DHX32: variants seen among roughly 807,000 people sequenced by gnomAD.
The protein encoded by DHX32 is DEAH-box helicase 32 (putative).
DHX32 carries 51 observed loss-of-function variants against 70.0 expected under a neutral mutation model. The observed-to-expected ratio is 0.73, with a 90% confidence interval of 0.58 to 0.92. The LOEUF is 0.92. Among genes scored for constraint, DHX32 ranks in the 40% least tolerant of loss-of-function variants. The pLI is 0.00. For missense variants in DHX32, 762 were observed against 891.8 expected (o/e 0.85, Z 1.85); for synonymous variants, 310 against 315.3 (o/e 0.98, Z 0.18).
At chr10:125,839,256 G>A in intron 8 of DHX32, 68 bp from the exon 9 acceptor site, 4 of 1,517,282 alleles carry the variant, frequency 2.6e-6, no homozygotes, top group Non-Finnish European at 3.6e-6. Flanking sequence ...CCCAGGCCAG[G>A]CAGTTGCCAT....
chr10:125,847,925 C>T (rs1944043456), intron 6 of DHX32, among the ~76,000 whole-genome samples: 1 of 152,174 alleles, frequency 6.6e-6, no homozygotes. Context: ...GGCAGTAATG[C>T]TCGCTTGCCC....
chr10:125,871,529 G>A (rs1944255718), intron 1 of DHX32, among the ~76,000 whole-genome samples: 1 of 152,180 alleles, frequency 6.6e-6, no homozygotes, highest in Admixed American at 6.5e-5. Flanking sequence ...TTAACAGTAA[G>A]CAATGCAAAC....
chr10:125,885,673 G>A (rs536271895), upstream of DHX32, among the ~76,000 whole-genome samples: 12 of 152,250 alleles, frequency 7.9e-5, no homozygotes, highest in East Asian at 3.9e-4. Flanking sequence ...TCTGATCTAC[G>A]AAGCTGTTAA....
chr10:125,887,459 A>G (rs1372081448), intron 1 of DHX32, among the ~76,000 whole-genome samples: 1 of 152,210 alleles, frequency 6.6e-6, no homozygotes, highest in Non-Finnish European at 1.5e-5. Flanking sequence ...TAGGGGCCAG[A>G]TCGCAAAATA....
intron 6 of DHX32, among the ~76,000 whole-genome samples, chr10:125,842,990 A>G (rs1854923355): frequency 6.6e-6 from 1 of 152,066 alleles, no homozygotes; most frequent in African/African-American, 2.4e-5. Context: ...CATTACTTTC[A>G]ATGGCAAAAA....
intron 1 of DHX32, among the ~76,000 whole-genome samples, chr10:125,878,416 T>A (rs1295635036): frequency 6.6e-6 from 1 of 152,208 alleles, no homozygotes; most frequent in Non-Finnish European, 1.5e-5. Context: ...GGCCATCTCA[T>A]CTTAACAGGG....
intron 6 of DHX32, among the ~76,000 whole-genome samples, chr10:125,846,532 C>G (rs1012310137): frequency 6.6e-6 from 1 of 152,140 alleles, no homozygotes; most frequent in Non-Finnish European, 1.5e-5. Context: ...CTGGGGCAGG[C>G]ACACATCTGG....
At position 125,881,003 on chromosome 10, in the gene DHX32, C is replaced by T; in HGVS notation, c.-179G>A. 2.9e-6 allele frequency: 2 copies of T among 687,910 alleles called. No individual in the cohort carries two copies. The highest frequency in any genetic ancestry group is 2.4e-6 in the Non-Finnish European group (1 of 423,220). 42.6% of individuals were successfully genotyped at this position (687,910 alleles called of 1,614,324 possible). On this transcript the variant is annotated 5_prime_UTR_variant, in exon 1 of 11. Transcript: ENST00000284690. ...TCAAACCTGCATCTGTTCTCCGTTGCTGTGTTACCCACTGTGCTGGCTCAC... is the reference window on the plus strand; with the variant it reads ...TCAAACCTGCATCTGTTCTCCGTTGTTGTGTTACCCACTGTGCTGGCTCAC...
intron 1 of DHX32, among the ~76,000 whole-genome samples, chr10:125,890,983 C>A (rs3926258): frequency 6.6e-6 from 1 of 151,842 alleles, no homozygotes; most frequent in African/African-American, 2.4e-5. Flanking sequence ...TACAGAAAGT[C>A]CCCCCCGAGC....
At chr10:125,852,003 G>T (rs572509920) in intron 6 of DHX32, among the ~76,000 whole-genome samples, 1 of 150,914 alleles carries the variant, frequency 6.6e-6, no homozygotes, top group Admixed American at 6.6e-5. Context: ...TCACCCTTAC[G>T]CTTCCATACT....
rs1381948902 is a variant in DHX32, at chr10:125,874,137, C to T, written c.282+6406G>A. ...GGGAAATTGTCCTCTGTTTCTGCAC[C>T]AAAGACAGGTGAAATCTTTAGGACC... On this transcript the variant is annotated intron_variant, in intron 1 of 10. Coordinates refer to ENST00000284690, the MANE Select transcript of DHX32 (RefSeq NM_018180.3). Among the ~76,000 whole-genome samples the T allele has an allele frequency of 3.3e-5, 5 of 152,092 alleles. No individual in the cohort carries two copies. In the East Asian group the frequency reaches 9.6e-4, roughly 29 times the overall value.
Position 125,891,414 on chromosome 10 carries a change from A to G in DHX32, c.-248+4804T>C, listed in dbSNP as rs559348148. On this transcript the variant is annotated intron_variant, in intron 1 of 2. Transcript: ENST00000415732. ...TAATCAACTTCTAAAGTTACATTTTACTTGATTTGTTGTCCCAAATGTAGA... is the reference window on the plus strand; with the variant it reads ...TAATCAACTTCTAAAGTTACATTTTGCTTGATTTGTTGTCCCAAATGTAGA... Among the ~76,000 whole-genome samples, 45 of 152,410 alleles carry G rather than the reference A, an allele frequency of 3.0e-4. No homozygotes were observed. In the South Asian group the frequency reaches 6.2e-3, roughly 21 times the overall value.
chr10:125,853,165 G>A (rs1011431387), intron 4 of DHX32: 1 of 1,612,776 alleles, frequency 6.2e-7, no homozygotes, highest in Non-Finnish European at 8.5e-7. Context: ...TTTCTCTGAA[G>A]GCTGGACTAA....
At chr10:125,841,710 C>T in intron 7 of DHX32, 33 bp downstream of exon 7, 2 of 1,590,244 alleles carry the variant, frequency 1.3e-6, no homozygotes, top group Non-Finnish European at 1.7e-6. Flanking sequence ...TGCAGATTTG[C>T]AAAAAAAGAA....
At chr10:125,894,610 A>AT (rs1944404932) in intron 1 of DHX32, among the ~76,000 whole-genome samples, 1 of 152,302 alleles carries the variant, frequency 6.6e-6, no homozygotes, top group African/African-American at 2.4e-5. Context: ...ACATATCCCC[A>AT]TTTTTTCCAA....
chr10:125,840,208 T>C (rs989842901), intron 8 of DHX32, among the ~76,000 whole-genome samples: 3 of 152,254 alleles, frequency 2.0e-5, no homozygotes, highest in African/African-American at 4.8e-5. Context: ...CTCTTGTTTC[T>C]GTCTGCATAG....
intron 2 of DHX32, among the ~76,000 whole-genome samples, chr10:125,864,160 T>C (rs1461307401): frequency 6.6e-6 from 1 of 152,220 alleles, no homozygotes; most frequent in Non-Finnish European, 1.5e-5. Context: ...GCCTCTTTCC[T>C]GTGACTCAAA....
At chr10:125,839,333 G>A in intron 8 of DHX32, 145 bp from the exon 9 acceptor site, 1 of 788,022 alleles carries the variant, frequency 1.3e-6, no homozygotes, top group Non-Finnish European at 1.9e-6. Context: ...AAGGCAGCAA[G>A]GACAAGGATT....
intron 2 of DHX32, among the ~76,000 whole-genome samples, chr10:125,861,544 T>A (rs1944188971): frequency 6.6e-6 from 1 of 152,116 alleles, no homozygotes. Flanking sequence ...GCAATATGTT[T>A]TACGCTGCAC....
Sources: gnomAD v4.1 joint callset for allele counts (sites outside exome capture counted in the v4.1 genomes callset) on GRCh38, gnomAD v4.1.1 for gene constraint, MANE v1.5 for transcripts, NCBI Gene and HGNC (gene_info 2026-07-23, HGNC 2026-07-21) for gene names.